Variants in TIPIN observed in about 807,000 individuals in gnomAD.
TIPIN encodes the protein TIMELESS interacting protein.
TIPIN carries 29 observed loss-of-function variants against 35.6 expected under a neutral mutation model. That is an observed-to-expected ratio of 0.82 (90% confidence interval 0.61 to 1.11). TIPIN has a LOEUF of 1.11. Ranked by LOEUF, TIPIN falls within the 50% of genes most tolerant of loss-of-function variation. TIPIN has a pLI of 0.00. For missense variants in TIPIN, 296 were observed against 345.4 expected, an observed-to-expected ratio of 0.86 and a Z score of 1.13; for synonymous variants, 102 against 121.5, an observed-to-expected ratio of 0.84 and a Z score of 1.06.
chr15:66,357,953 C>G (rs1023428757), upstream of TIPIN, among the ~76,000 whole-genome samples: 1 of 149,892 alleles, frequency 6.7e-6, no homozygotes, highest in African/African-American at 2.5e-5. Context: ...AAGACTCTGT[C>G]TCAAAAAAAA....
chr15:66,367,903 C>T (rs1333967676), intron 1 of TIPIN, among the ~76,000 whole-genome samples: 5 of 145,748 alleles, frequency 3.4e-5, no homozygotes, highest in African/African-American at 1.0e-4. Context: ...GGCGTGATCT[C>T]GGCTCACACA....
chr15:66,357,662 AAT>A, upstream of TIPIN, among the ~76,000 whole-genome samples: 1 of 147,250 alleles, frequency 6.8e-6, no homozygotes, highest in East Asian at 2.0e-4. Flanking sequence ...AAATGTCAAA[AAT>A]ATGTTACTTG....
chr15:66,350,958 AAAG>A (rs2093163859), intron 4 of TIPIN, among the ~76,000 whole-genome samples: 1 of 151,150 alleles, frequency 6.6e-6, no homozygotes, highest in African/African-American at 2.4e-5. Context: ...AAAAAAAAAA[AAAG>A]AATATATTAG....
chr15:66,347,740 C>A (rs1187772468), intron 6 of TIPIN, among the ~76,000 whole-genome samples: 1 of 152,080 alleles, frequency 6.6e-6, no homozygotes, highest in East Asian at 1.9e-4. Flanking sequence ...TGCACCACCC[C>A]ACTCAGCTAA....
intron 3 of TIPIN, 93 bp from the exon 4 acceptor site, chr15:66,351,693 G>C: frequency 9.5e-7 from 1 of 1,055,184 alleles, no homozygotes. Context: ...GCTGGGATGC[G>C]GTGGCGCGAT....
Position 66,382,657 on chromosome 15 carries a change from G to A in TIPIN, c.-9+3950C>T, listed in dbSNP as rs531806632. Among the ~76,000 whole-genome samples the A allele has an allele frequency of 2.6e-5, 4 of 152,308 alleles. No individual in the cohort carries two copies. The East Asian group carries it at 7.7e-4, about 29-fold the overall frequency. ...TCCAAAGTGCTGGGATTACGGGAGT[G>A]ACAGGAGTGAGCCACCACACCTGGC... On this transcript the variant is annotated intron_variant, in intron 1 of 7. Coordinates refer to the TIPIN transcript ENST00000562124.
chr15:66,371,199 A>T, intron 1 of TIPIN: 1 of 960,888 alleles, frequency 1.0e-6, no homozygotes, highest in Non-Finnish European at 1.2e-6. Context: ...CAACAGAGGG[A>T]AACTCTCAAA....
chr15:66,349,014 T>A (rs762281037), intron 6 of TIPIN, 46 bp downstream of exon 6: 3 of 1,528,322 alleles, frequency 2.0e-6, no homozygotes, highest in Non-Finnish European at 2.7e-6. Context: ...CTAGATCTAT[T>A]TCTAAAAGCA....
intron 1 of TIPIN, among the ~76,000 whole-genome samples, chr15:66,369,597 C>G (rs538041486): frequency 6.6e-6 from 1 of 152,290 alleles, no homozygotes; most frequent in Non-Finnish European, 1.5e-5. Flanking sequence ...ATCCACCCGC[C>G]TCAGCCTCCC....
chr15:66,364,613 G>T (rs879870885), intron 1 of TIPIN, among the ~76,000 whole-genome samples: 1 of 152,108 alleles, frequency 6.6e-6, no homozygotes, highest in African/African-American at 2.4e-5. Context: ...GGGGCATTCC[G>T]AATGAAGACT....
intron 1 of TIPIN, among the ~76,000 whole-genome samples, chr15:66,373,268 A>G (rs1595818124): frequency 6.6e-6 from 1 of 152,034 alleles, no homozygotes; most frequent in African/African-American, 2.4e-5. Flanking sequence ...CTGAGGCGGG[A>G]GGATCACGAG....
intron 1 of TIPIN, among the ~76,000 whole-genome samples, chr15:66,370,002 A>T (rs915370060): frequency 1.3e-5 from 2 of 152,172 alleles, no homozygotes; most frequent in African/African-American, 4.8e-5. Flanking sequence ...CCCAATTATG[A>T]CATGTATTTG....
chr15:66,369,705 T>C (rs983705707), intron 1 of TIPIN, among the ~76,000 whole-genome samples: 9 of 152,200 alleles, frequency 5.9e-5, no homozygotes, highest in Non-Finnish European at 1.2e-4. Context: ...TAGTTCATTG[T>C]TGGAGATGAA....
chr15:66,382,601 C>T (rs1471284931), intron 1 of TIPIN, among the ~76,000 whole-genome samples: 1 of 152,086 alleles, frequency 6.6e-6, no homozygotes, highest in Non-Finnish European at 1.5e-5. Context: ...TGTTGAACTC[C>T]TGGGCTCAAG....
At chr15:66,353,628 A>G (rs1375966645) in intron 1 of TIPIN, among the ~76,000 whole-genome samples, 2 of 151,890 alleles carry the variant, frequency 1.3e-5, no homozygotes, top group Non-Finnish European at 2.9e-5. Flanking sequence ...AAAAAAAAAA[A>G]AAAATCTGTT....
intron 6 of TIPIN, among the ~76,000 whole-genome samples, chr15:66,348,008 C>CTTTTTTTTTTT: frequency 7.4e-6 from 1 of 135,510 alleles, no homozygotes; most frequent in Non-Finnish European, 1.5e-5. Flanking sequence ...TTCTTTCTTT[C>CTTTTTTTTTTT]TTTTTTTTTT....
At chr15:66,342,886 AATAG>A (rs1365709103) in intron 6 of TIPIN, among the ~76,000 whole-genome samples, 15 of 152,226 alleles carry the variant, frequency 9.9e-5, no homozygotes, top group Non-Finnish European at 1.9e-4. Flanking sequence ...TAAAGTAAAT[AATAG>A]ATCTTCCATT....
intron 1 of TIPIN, chr15:66,379,383 C>A (rs781738515): frequency 1.4e-5 from 22 of 1,599,190 alleles, no homozygotes; most frequent in Non-Finnish European, 1.9e-5. Flanking sequence ...GACATAGATA[C>A]CATTCAAAAA....
chr15:66,351,930 C>T lies in TIPIN; in HGVS notation c.212+199G>A, dbSNP rs551988739. Among the ~76,000 whole-genome samples, 14 of 152,070 alleles carry T rather than the reference C, an allele frequency of 9.2e-5. No individual in the cohort carries two copies. The East Asian group carries it at 1.9e-3, about 21-fold the overall frequency. ...CTGGGATTATAGGCGTGAGCTACCA[C>T]GCCCAGCCTAATTTCAAGTTTTCTA... On this transcript the variant is annotated intron_variant, in intron 3 of 7. Transcript: ENST00000261881.
Sources: gnomAD v4.1 joint callset for allele counts (sites outside exome capture counted in the v4.1 genomes callset) on GRCh38, gnomAD v4.1.1 for gene constraint, MANE v1.5 for transcripts, NCBI Gene and HGNC (gene_info 2026-07-23, HGNC 2026-07-21) for gene names.